The following PDE10A variants were observed in gnomAD, a reference collection of about 807,000 sequenced individuals.
PDE10A encodes the protein phosphodiesterase 10A.
A neutral mutation model predicts 97.7 loss-of-function variants in PDE10A; 39 were observed. That is an observed-to-expected ratio of 0.40 (90% CI 0.31 to 0.52). The LOEUF is 0.52. Among genes scored for constraint, PDE10A ranks in the 20% least tolerant of loss-of-function variants. PDE10A has a pLI of 0.56. For missense variants in PDE10A, 731 were observed against 1,047.8 expected (o/e 0.70, Z 4.17); for synonymous variants, 371 against 376.8 (o/e 0.98, Z 0.18).
At chr6:165,527,292 G>A (rs1279479523) in intron 2 of PDE10A, among the ~76,000 whole-genome samples, 3 of 152,200 alleles carry the variant, frequency 2.0e-5, no homozygotes, top group Admixed American at 6.5e-5. Flanking sequence ...CCAAAAGGCT[G>A]CCAGTTCTGA....
chr6:165,886,144 A>C (rs1470191588), intron 1 of PDE10A, among the ~76,000 whole-genome samples: 2 of 152,252 alleles, frequency 1.3e-5, no homozygotes, highest in Non-Finnish European at 2.9e-5. Flanking sequence ...AAATCCTATT[A>C]TGGGCATAGC....
intron 1 of PDE10A, among the ~76,000 whole-genome samples, chr6:165,783,375 A>G (rs1038968255): frequency 1.3e-5 from 2 of 152,170 alleles, no homozygotes; most frequent in African/African-American, 4.8e-5. Context: ...TTAGATTTTT[A>G]TCCCCCACTG....
intron 1 of PDE10A, among the ~76,000 whole-genome samples, chr6:165,828,268 G>T (rs1779814850): frequency 1.3e-5 from 2 of 152,216 alleles, no homozygotes; most frequent in Non-Finnish European, 2.9e-5. Flanking sequence ...CCTGCAGTAG[G>T]TATGAAATAT....
chr6:165,433,468 T>C (rs1789748292), intron 6 of PDE10A, among the ~76,000 whole-genome samples: 1 of 152,120 alleles, frequency 6.6e-6, no homozygotes, highest in Admixed American at 6.5e-5. Context: ...AGTCTTAGGG[T>C]GTTTACAGGT....
intron 1 of PDE10A, among the ~76,000 whole-genome samples, chr6:165,748,674 A>G (rs1481581553): frequency 9.8e-5 from 15 of 152,358 alleles, no homozygotes; most frequent in Non-Finnish European, 2.2e-4. Context: ...CCACAAAGGC[A>G]AGGATGAGGG....
intron 1 of PDE10A, among the ~76,000 whole-genome samples, chr6:165,598,908 C>G (rs1350254088): frequency 6.6e-6 from 1 of 152,176 alleles, no homozygotes; most frequent in Non-Finnish European, 1.5e-5. Flanking sequence ...GGACTTCTAG[C>G]TCCCTGTACA....
chr6:165,846,271 C>T (rs555699227), intron 1 of PDE10A, among the ~76,000 whole-genome samples: 3 of 152,336 alleles, frequency 2.0e-5, no homozygotes, highest in Middle Eastern at 3.4e-3. Context: ...TTTATAGACC[C>T]AGGAAGCCCT....
At chr6:165,756,470 G>A (rs1293504285) in intron 1 of PDE10A, among the ~76,000 whole-genome samples, 2 of 152,100 alleles carry the variant, frequency 1.3e-5, no homozygotes, top group African/African-American at 4.8e-5. Context: ...TTTTATGAAT[G>A]TACAAACACA....
intron 1 of PDE10A, among the ~76,000 whole-genome samples, chr6:165,734,159 A>G (rs1478356862): frequency 2.0e-5 from 3 of 152,196 alleles, no homozygotes; most frequent in Admixed American, 6.5e-5. Flanking sequence ...TTGGTTAAAG[A>G]AAAAGTGTTG....
intron 5 of PDE10A, 43 bp from the exon 6 acceptor site, chr6:165,435,420 T>C: frequency 1.3e-6 from 2 of 1,558,798 alleles, no homozygotes; most frequent in Non-Finnish European, 8.7e-7. Flanking sequence ...CCTGTACATG[T>C]GCATAGTACA....
chr6:165,856,853 C>T (rs1780751842), intron 1 of PDE10A, among the ~76,000 whole-genome samples: 1 of 152,162 alleles, frequency 6.6e-6, no homozygotes, highest in Admixed American at 6.5e-5. Flanking sequence ...CAAGAACCTC[C>T]AGCCACTCCA....
At chr6:165,571,653 G>A (rs1222722910) in intron 1 of PDE10A, among the ~76,000 whole-genome samples, 1 of 152,120 alleles carries the variant, frequency 6.6e-6, no homozygotes, top group Non-Finnish European at 1.5e-5. Flanking sequence ...CACCTCTTAG[G>A]CAAACTGAGT....
At chr6:165,376,801 C>T (rs1192520603) in intron 18 of PDE10A, among the ~76,000 whole-genome samples, 1 of 152,100 alleles carries the variant, frequency 6.6e-6, no homozygotes, top group Non-Finnish European at 1.5e-5. Flanking sequence ...TGCCTGTAGT[C>T]CTAGCTACTC....
At chr6:165,893,991 G>C (rs1478988432) in intron 1 of PDE10A, among the ~76,000 whole-genome samples, 1 of 152,154 alleles carries the variant, frequency 6.6e-6, no homozygotes, top group Non-Finnish European at 1.5e-5. Context: ...TCTTGGTGCA[G>C]ACCAAGTGAT....
chr6:165,485,282 C>G (rs1012631035), intron 2 of PDE10A, among the ~76,000 whole-genome samples: 1 of 151,952 alleles, frequency 6.6e-6, no homozygotes, highest in African/African-American at 2.4e-5. Flanking sequence ...TCCCGGCTAA[C>G]ACAGTGAAGC....
intron 1 of PDE10A, among the ~76,000 whole-genome samples, chr6:165,553,455 A>T (rs544076269): frequency 5.3e-5 from 8 of 152,340 alleles, no homozygotes; most frequent in Admixed American, 4.6e-4. Context: ...CAAATGCCTT[A>T]TAATAACTAT....
intron 1 of PDE10A, among the ~76,000 whole-genome samples, chr6:165,726,732 G>A (rs929761429): frequency 6.6e-6 from 1 of 152,224 alleles, no homozygotes; most frequent in African/African-American, 2.4e-5. Flanking sequence ...GCCCTCCCCG[G>A]CCATCTGCGG....
At chr6:165,802,248 T>C (rs553911981) in intron 1 of PDE10A, among the ~76,000 whole-genome samples, 1 of 152,304 alleles carries the variant, frequency 6.6e-6, no homozygotes, top group South Asian at 2.1e-4. Context: ...TTCACTTTCT[T>C]CCCACATGAC....
rs1784447466 is a variant in PDE10A, at chr6:165,374,085, TG to T, written c.2783+5108del. On this transcript the variant is annotated intron_variant, in intron 18 of 21. Transcript: ENST00000539869. Reference sequence around the variant, plus strand: ...TCACACTCTGGGGACTGTTGTGGGGTGGGGGGAGGGGGGAGGGATAGCATTA... The same window carrying T: ...TCACACTCTGGGGACTGTTGTGGGGTGGGGGAGGGGGGAGGGATAGCATTA... Among the ~76,000 whole-genome samples the T allele has an allele frequency of 6.2e-5, 4 of 64,452 alleles. No individual in the cohort carries two copies. The South Asian group carries it at 2.7e-3, about 43-fold the overall frequency. 42.3% of individuals were successfully genotyped at this position (64,452 alleles called of 152,430 possible).
Sources: allele counts gnomAD v4.1 joint callset (sites outside exome capture counted in the v4.1 genomes callset), GRCh38; gene constraint gnomAD v4.1.1; transcripts MANE v1.5; gene names NCBI Gene and HGNC (gene_info 2026-07-23, HGNC 2026-07-21).